The following MRC2 variants were observed in gnomAD, a reference collection of about 807,000 sequenced individuals.
The protein encoded by MRC2 is C-type mannose receptor 2.
A neutral mutation model predicts 206.2 loss-of-function variants in MRC2; 84 were observed. The ratio of observed to expected loss-of-function variants is 0.41; its 90% CI spans 0.34 to 0.49. The LOEUF (loss-of-function observed/expected upper bound fraction) is 0.49. Ranked by LOEUF, MRC2 falls within the 20% of genes least tolerant of loss-of-function variation. The pLI is 0.31. For synonymous variants in MRC2, 798 were observed against 800.0 expected, an observed-to-expected ratio of 1.00 and a Z score of 0.04; for missense variants, 1,676 against 2,001.5, an observed-to-expected ratio of 0.84 and a Z score of 3.10.
At position 62,681,456 on chromosome 17, in the gene MRC2, A is replaced by G. The variant is rs1032252657; in HGVS notation, c.2702+327A>G. 1.0e-5 allele frequency: 5 copies of G among 494,232 alleles called. No individual in the cohort carries two copies. In the East Asian group the frequency reaches 1.9e-4, roughly 19 times the overall value. 30.6% of individuals were successfully genotyped at this position (494,232 alleles called of 1,614,324 possible). On this transcript the variant is annotated intron_variant, in intron 18 of 29. Transcript: ENST00000303375. ...AGGCCCTCTCGGGGAAGTGGGCAGA[A>G]CATATGATGATCCGGGGGCCTCTTT...
chr17:62,645,518 TATA>T (rs1367544045), intron 1 of MRC2, among the ~76,000 whole-genome samples: 39 of 69,780 alleles, frequency 5.6e-4, no homozygotes, highest in African/African-American at 9.6e-4. Flanking sequence ...TATATATATA[TATA>T]TATATATTTT....
At position 62,671,858 on chromosome 17, in the gene MRC2, G is replaced by T; in HGVS notation, c.1306+21G>T. ...GCAAGGTGAGGAGCTGCCCGCCCAC[G>T]TGTCTGGGTGGAGGGCAGGGCCTCC... On this transcript the variant is annotated intron_variant, in intron 7 of 29. Transcript: ENST00000303375. The surrounding 1 kb of genome is among the most constrained non-coding windows in gnomAD (Gnocchi z 4.5). The T allele has an allele frequency of 1.0e-5, 16 of 1,586,096 alleles. No homozygotes were observed. Among genetic ancestry groups the T allele is most frequent in the Non-Finnish European group, 1.4e-5 (16 of 1,162,516 alleles).
At chr17:62,657,840 G>A (rs2088636151) in intron 1 of MRC2, among the ~76,000 whole-genome samples, 1 of 152,128 alleles carries the variant, frequency 6.6e-6, no homozygotes, top group African/African-American at 2.4e-5. Context: ...ACTAGGCCTT[G>A]GAGAAAGAGC....
At chr17:62,634,297 C>T (rs1257039591) in intron 1 of MRC2, among the ~76,000 whole-genome samples, 6 of 152,022 alleles carry the variant, frequency 3.9e-5, no homozygotes, top group Non-Finnish European at 8.8e-5. Context: ...GTGAGAATGA[C>T]CACAAGTCAT....
At chr17:62,632,026 G>C (rs1452614360) in intron 1 of MRC2, among the ~76,000 whole-genome samples, 1 of 152,126 alleles carries the variant, frequency 6.6e-6, no homozygotes, top group Non-Finnish European at 1.5e-5. Flanking sequence ...TACGTGAGAT[G>C]GGAGGGGGCC....
At chr17:62,669,040 C>T (rs1177793129) in intron 6 of MRC2, among the ~76,000 whole-genome samples, 2 of 150,566 alleles carry the variant, frequency 1.3e-5, no homozygotes, top group Non-Finnish European at 3.0e-5. Context: ...CAGTTTCCTG[C>T]GAAGCTGTGG....
chr17:62,692,106 C>T lies in MRC2; in HGVS notation c.4193-6C>T. 5 of 1,614,252 alleles carry T rather than the reference C, an allele frequency of 3.1e-6. No homozygotes were observed. Among genetic ancestry groups the T allele is most frequent in the South Asian group, 2.2e-5 (2 of 91,088 alleles). ...TTATTAACTGGCCCCCTCCTCTTGC[C>T]CACAGCTGAGCAGAGCAGCTTCTCC... On this transcript the variant is annotated splice_region_variant and splice_polypyrimidine_tract_variant and intron_variant, in intron 28 of 29. Transcript: ENST00000303375. The surrounding 1 kb of genome is among the most constrained non-coding windows in gnomAD (Gnocchi z 4.2).
intron 14 of MRC2, 71 bp downstream of exon 14, chr17:62,679,973 C>G: frequency 1.3e-6 from 2 of 1,482,648 alleles, no homozygotes. Flanking sequence ...TGGGGCGGGG[C>G]CTGGAGGTGG....
intron 9 of MRC2, among the ~76,000 whole-genome samples, chr17:62,674,701 A>AGG (rs543834243): frequency 4.2e-5 from 5 of 119,754 alleles, no homozygotes; most frequent in Non-Finnish European, 6.9e-5. Context: ...AGGGAGGTTG[A>AGG]GGGGGGGGGT....
rs772936922 is a variant in MRC2 at position 62,674,144 on chromosome 17, G to A, written c.1543G>A (p.Ala515Thr). The change falls in exon 9 of 30, where the codon GCC becomes ACC. Residue 515 changes from alanine to threonine, a missense_variant. Ala to Thr is a moderately conservative substitution (Grantham distance 58). Transcript: ENST00000303375. ...KKAGQLSQGA[A>T]EEDHGCRKGW... Reference sequence around the variant, plus strand: ...GGCAGGCCAGCTGAGCCAGGGGGCCGCCGAGGAGGACCATGGCTGCCGGAA... The same window carrying A: ...GGCAGGCCAGCTGAGCCAGGGGGCCACCGAGGAGGACCATGGCTGCCGGAA... 11 of 1,552,390 alleles carry A rather than the reference G, an allele frequency of 7.1e-6. No homozygotes were observed. Among genetic ancestry groups the A allele is most frequent in the Middle Eastern group, 1.7e-4 (1 of 5,962 alleles).
intron 9 of MRC2, among the ~76,000 whole-genome samples, chr17:62,674,674 G>C (rs1429711585): frequency 6.6e-6 from 1 of 151,574 alleles, no homozygotes; most frequent in Non-Finnish European, 1.5e-5. Flanking sequence ...GCCCCAGTGG[G>C]CTTCTAGAGG....
chr17:62,627,840 G>T lies in MRC2; in HGVS notation c.38G>T (p.Arg13Leu). The T allele has an allele frequency of 6.8e-7, 1 of 1,469,804 alleles. No homozygotes were observed. The highest frequency in any genetic ancestry group is 1.3e-5 in the South Asian group (1 of 77,056). The allele number at this position is 1,469,804 out of a possible 1,614,324, so 91.0% of individuals were successfully genotyped here. The change falls in exon 1 of 30, where the codon CGT (arginine) becomes CTT (leucine). Residue 13 changes from arginine (R) to leucine (L), a missense_variant. Arg to Leu is a moderately radical substitution (Grantham distance 102). This residue lies in a region of MRC2 where 318 missense variants were observed against 346.7 expected (regional missense o/e 0.92). Coordinates refer to ENST00000303375, the MANE Select transcript of MRC2 (RefSeq NM_006039.5). ...CGGCCGGCCCCCGCGCCCTGGCCTC[G>T]TCACCTGCTGCGCTGCGTCCTGCTC... Reference protein sequence around the residue: ...PGRPAPAPWPRHLLRCVLLLG... With the variant: ...PGRPAPAPWPLHLLRCVLLLG...
At position 62,682,280 on chromosome 17, in the gene MRC2, G is replaced by A; in HGVS notation, c.2849G>A (p.Cys950Tyr). 2.5e-6 allele frequency: 4 copies of A among 1,603,646 alleles called. No individual in the cohort carries two copies. Among genetic ancestry groups the A allele is most frequent in the Non-Finnish European group, 3.4e-6 (4 of 1,174,856 alleles). Residue 950 changes from cysteine to tyrosine, a missense_variant, in exon 20 of 30, where the codon TGC (cysteine) becomes TAC (tyrosine). Physicochemically the swap from Cys to Tyr is radical, Grantham distance 194. Transcript: ENST00000303375. ...TGCCTGACAGCCTTGCCCTACATCTGCAAGCGCAGCAACGTCACCAAAGAA... is the reference window on the plus strand; with the variant it reads ...TGCCTGACAGCCTTGCCCTACATCTACAAGCGCAGCAACGTCACCAAAGAA... ...QRCLTALPYICKRSNVTKETQ... is the reference protein window; with the variant it reads ...QRCLTALPYIYKRSNVTKETQ...
chr17:62,654,458 C>T (rs2088594111), intron 1 of MRC2, among the ~76,000 whole-genome samples: 1 of 152,070 alleles, frequency 6.6e-6, no homozygotes, highest in African/African-American at 2.4e-5. Flanking sequence ...CGCTGCATGC[C>T]AGGCACCATG....
rs1391908972 is a variant in MRC2, at chr17:62,645,647, T to G, written c.118+17727T>G. Reference sequence around the variant, plus strand: ...CTTCTGGGCTCAAGCAATCCTCCCATCTCAGACTCCTGAGTAAGCAGGACC... The same window carrying G: ...CTTCTGGGCTCAAGCAATCCTCCCAGCTCAGACTCCTGAGTAAGCAGGACC... On this transcript the variant is annotated intron_variant, in intron 1 of 29. Transcript: ENST00000303375. Among the ~76,000 whole-genome samples the G allele has an allele frequency of 3.4e-5, 5 of 146,316 alleles. No individual in the cohort carries two copies. The Admixed American group carries it at 3.5e-4, about 10-fold the overall frequency.
At position 62,672,227 on chromosome 17, in the gene MRC2, C is replaced by T. The variant is rs1237511428; in HGVS notation, c.1461+75C>T. 4 of 1,563,582 alleles carry T rather than the reference C, an allele frequency of 2.6e-6. No individual in the cohort carries two copies. Among genetic ancestry groups the T allele is most frequent in the Admixed American group, 1.7e-5 (1 of 59,546 alleles). Reference sequence around the variant, plus strand: ...TCCAGGTGCCACCCCAGCTGAAGGACATCCTAGTTACTATCAGAACCTGCC... The same window carrying T: ...TCCAGGTGCCACCCCAGCTGAAGGATATCCTAGTTACTATCAGAACCTGCC... On this transcript the variant is annotated intron_variant, in intron 8 of 29. Transcript: ENST00000303375. The surrounding 1 kb of genome is among the most constrained non-coding windows in gnomAD (Gnocchi z 4.5).
intron 12 of MRC2, 103 bp downstream of exon 12, chr17:62,677,589 C>A (rs375846036): frequency 9.5e-7 from 1 of 1,051,096 alleles, no homozygotes; most frequent in Non-Finnish European, 1.4e-6. Context: ...CAGAGACACA[C>A]CAGGCTGCAG....
chr17:62,631,254 C>T (rs1012917284), intron 1 of MRC2, among the ~76,000 whole-genome samples: 4 of 152,118 alleles, frequency 2.6e-5, no homozygotes, highest in Admixed American at 1.3e-4. Context: ...ATGGCACCCA[C>T]GGCTGCGCTG....
intron 1 of MRC2, among the ~76,000 whole-genome samples, chr17:62,645,882 A>G (rs1429823768): frequency 6.6e-6 from 1 of 151,598 alleles, no homozygotes; most frequent in Non-Finnish European, 1.5e-5. Flanking sequence ...ATGTTGTTTC[A>G]TAATGTTCTT....
Sources: allele counts gnomAD v4.1 joint callset (sites outside exome capture counted in the v4.1 genomes callset), GRCh38; gene constraint gnomAD v4.1.1; regional missense constraint gnomAD v4.1.1; non-coding constraint Gnocchi (gnomAD v3.1); transcripts MANE v1.5; gene names NCBI Gene and HGNC (gene_info 2026-07-23, HGNC 2026-07-21).